The following PDE10A variants were observed in gnomAD, a reference collection of about 807,000 sequenced individuals.
PDE10A encodes the protein phosphodiesterase 10A.
In PDE10A, 39 loss-of-function variants were observed where a neutral mutation model predicts 97.7. The ratio of observed to expected loss-of-function variants is 0.40; its 90% confidence interval spans 0.31 to 0.52. PDE10A has a LOEUF of 0.52. Ranked by LOEUF, PDE10A falls within the 20% of genes least tolerant of loss-of-function variation. PDE10A has a pLI of 0.56. For synonymous variants in PDE10A, 371 were observed against 376.8 expected (o/e 0.98, Z 0.18); for missense variants, 731 against 1,047.8 (o/e 0.70, Z 4.17).
chr6:165,863,742 C>T (rs1394848685), intron 1 of PDE10A, among the ~76,000 whole-genome samples: 1 of 152,090 alleles, frequency 6.6e-6, no homozygotes, highest in African/African-American at 2.4e-5. Context: ...ACTACAATAG[C>T]TCTTAAAATA....
At chr6:165,454,413 G>A (rs1019422405) in intron 3 of PDE10A, among the ~76,000 whole-genome samples, 1 of 152,184 alleles carries the variant, frequency 6.6e-6, no homozygotes, top group African/African-American at 2.4e-5. Flanking sequence ...CCCAAAGTTT[G>A]CGTTAAAAAT....
At chr6:165,334,550 C>CAGGAAAGG (rs1315980440) in intron 21 of PDE10A, among the ~76,000 whole-genome samples, 1 of 152,206 alleles carries the variant, frequency 6.6e-6, no homozygotes, top group Non-Finnish European at 1.5e-5. Flanking sequence ...AATTTCTGGA[C>CAGGAAAGG]AGGAAAGGAC....
intron 18 of PDE10A, among the ~76,000 whole-genome samples, chr6:165,351,849 T>C (rs763220246): frequency 3.9e-5 from 6 of 152,108 alleles, no homozygotes; most frequent in Non-Finnish European, 7.4e-5. Context: ...ATAATGAAAA[T>C]ATAACATTTG....
At chr6:165,708,442 C>G (rs904542973) in intron 1 of PDE10A, among the ~76,000 whole-genome samples, 5 of 152,128 alleles carry the variant, frequency 3.3e-5, no homozygotes, top group Non-Finnish European at 7.4e-5. Flanking sequence ...TGTCAGTGCC[C>G]TCTGCACCAG....
intron 1 of PDE10A, among the ~76,000 whole-genome samples, chr6:165,623,149 T>C (rs1305714145): frequency 6.6e-6 from 1 of 152,144 alleles, no homozygotes; most frequent in African/African-American, 2.4e-5. Flanking sequence ...CAGGTGTTTA[T>C]TTATTTTTTG....
At chr6:165,382,415 C>T (rs1479813560) in intron 17 of PDE10A, among the ~76,000 whole-genome samples, 3 of 152,116 alleles carry the variant, frequency 2.0e-5, no homozygotes, top group Non-Finnish European at 4.4e-5. Flanking sequence ...ACATAGAATA[C>T]TGATTTTGAA....
intron 1 of PDE10A, among the ~76,000 whole-genome samples, chr6:165,659,506 A>T (rs1790127942): frequency 6.6e-6 from 1 of 152,216 alleles, no homozygotes; most frequent in Non-Finnish European, 1.5e-5. Context: ...TCAGAGCAGA[A>T]ATTGGCTACT....
chr6:165,928,884 T>C (rs1191121968), intron 1 of PDE10A, among the ~76,000 whole-genome samples: 1 of 152,154 alleles, frequency 6.6e-6, no homozygotes, highest in African/African-American at 2.4e-5. Flanking sequence ...GAAAATGAGA[T>C]AGGATTCTTT....
At chr6:165,763,338 T>C (rs903615839) in intron 1 of PDE10A, among the ~76,000 whole-genome samples, 1 of 152,196 alleles carries the variant, frequency 6.6e-6, no homozygotes, top group Admixed American at 6.5e-5. Flanking sequence ...TTTGTTTGTT[T>C]TTGAGATGGA....
intron 1 of PDE10A, among the ~76,000 whole-genome samples, chr6:165,807,465 C>A (rs932391010): frequency 6.6e-6 from 1 of 152,108 alleles, no homozygotes; most frequent in Non-Finnish European, 1.5e-5. Context: ...GATTACAACC[C>A]GAGCTCCCAC....
At chr6:165,701,853 G>T (rs1397259597) in intron 1 of PDE10A, among the ~76,000 whole-genome samples, 1 of 152,064 alleles carries the variant, frequency 6.6e-6, no homozygotes, top group Admixed American at 6.6e-5. Context: ...GGGGGTTAGG[G>T]AAGGCTTCAT....
Position 165,339,162 on chromosome 6 carries a change from A to C in PDE10A, c.2976+116T>G, listed in dbSNP as rs1320538870. On this transcript the variant is annotated intron_variant, in intron 20 of 21. Coordinates refer to ENST00000539869, the MANE Select transcript of PDE10A (RefSeq NM_001385079.1). ...TATATTAATCACCAGATCTGCCTGG[A>C]ATAACCCATTCCCTTAACATAATAT... 3 of 761,228 alleles carry C rather than the reference A, an allele frequency of 3.9e-6. No homozygotes were observed. In the African/African-American group the frequency reaches 5.1e-5, roughly 13 times the overall value. 47.2% of individuals were successfully genotyped at this position (761,228 alleles called of 1,614,324 possible).
chr6:165,394,537 C>G (rs1049922716), intron 15 of PDE10A, among the ~76,000 whole-genome samples: 1 of 152,060 alleles, frequency 6.6e-6, no homozygotes, highest in South Asian at 2.1e-4. Context: ...TATGTGTGCA[C>G]ATGTCTTTAT....
intron 3 of PDE10A, among the ~76,000 whole-genome samples, chr6:165,478,477 C>T (rs1779420357): frequency 6.6e-6 from 1 of 152,132 alleles, no homozygotes; most frequent in Non-Finnish European, 1.5e-5. Context: ...CCAGCATTAA[C>T]ACTAAAAAAG....
intron 1 of PDE10A, among the ~76,000 whole-genome samples, chr6:165,676,727 T>C (rs1016738563): frequency 7.0e-6 from 1 of 143,146 alleles, no homozygotes; most frequent in Non-Finnish European, 1.5e-5. Context: ...CATCAGTGAC[T>C]CACACGATCT....
intron 1 of PDE10A, among the ~76,000 whole-genome samples, chr6:165,580,258 G>A (rs1253971943): frequency 6.6e-6 from 1 of 152,132 alleles, no homozygotes; most frequent in African/African-American, 2.4e-5. Context: ...GGTCGGGTAT[G>A]TCTTCTAGAA....
At chr6:165,385,251 C>T (rs1163785373) in intron 17 of PDE10A, among the ~76,000 whole-genome samples, 1 of 151,988 alleles carries the variant, frequency 6.6e-6, no homozygotes, top group Non-Finnish European at 1.5e-5. Context: ...CATCAGCCTG[C>T]ATTCCTGGGT....
At chr6:165,811,820 T>G (rs1011039354) in intron 1 of PDE10A, among the ~76,000 whole-genome samples, 9 of 152,190 alleles carry the variant, frequency 5.9e-5, no homozygotes, top group African/African-American at 2.2e-4. Flanking sequence ...GCTGACGGTG[T>G]GTTTGGTCTC....
intron 1 of PDE10A, among the ~76,000 whole-genome samples, chr6:165,842,157 T>C (rs1406901691): frequency 6.6e-6 from 1 of 152,236 alleles, no homozygotes; most frequent in Non-Finnish European, 1.5e-5. Flanking sequence ...TCTTAATGGG[T>C]TTGTCTTTGA....
Sources: gnomAD v4.1 joint callset for allele counts (sites outside exome capture counted in the v4.1 genomes callset) on GRCh38, gnomAD v4.1.1 for gene constraint, MANE v1.5 for transcripts, NCBI Gene and HGNC (gene_info 2026-07-23, HGNC 2026-07-21) for gene names.